Variants in STK38L observed in about 807,000 individuals in gnomAD.
STK38L encodes the protein serine/threonine kinase 38 like, also known as serine/threonine-protein kinase 38-like.
Under a neutral mutation model 59.7 loss-of-function variants are expected in STK38L, and 28 were observed. That is an observed-to-expected ratio of 0.47 (90% CI 0.35 to 0.64). The LOEUF (loss-of-function observed/expected upper bound fraction) is 0.64, where lower values mean the gene tolerates loss of function less well. Among genes scored for constraint, STK38L ranks in the 30% least tolerant of loss-of-function variants. The pLI, the probability that STK38L is intolerant of heterozygous loss-of-function variation, is 0.01. For synonymous variants in STK38L, 162 were observed against 176.8 expected, an observed-to-expected ratio of 0.92 and a Z score of 0.66; for missense variants, 314 against 555.8, an observed-to-expected ratio of 0.56 and a Z score of 4.37.
At chr12:27,287,479 A>G (rs1489225153) in intron 1 of STK38L, among the ~76,000 whole-genome samples, 1 of 152,144 alleles carries the variant, frequency 6.6e-6, no homozygotes, top group African/African-American at 2.4e-5. Flanking sequence ...ATCTTGTTTG[A>G]TATACAGTAT....
At chr12:27,253,807 A>G (rs964909355) in intron 1 of STK38L, among the ~76,000 whole-genome samples, 7 of 152,232 alleles carry the variant, frequency 4.6e-5, no homozygotes, top group Admixed American at 4.6e-4. Flanking sequence ...AGGGGGCCAC[A>G]GGAACCGGAA....
chr12:27,269,334 T>C (rs543946255), intron 1 of STK38L, among the ~76,000 whole-genome samples: 209 of 152,322 alleles, frequency 1.4e-3, no homozygotes, highest in Middle Eastern at 3.4e-3. Flanking sequence ...CAGCTTTCTA[T>C]ATATGGCTAG....
chr12:27,273,140 AT>A (rs1198862449), intron 1 of STK38L, among the ~76,000 whole-genome samples: 1 of 147,892 alleles, frequency 6.8e-6, no homozygotes, highest in Admixed American at 6.7e-5. Context: ...CTTATTTTGT[AT>A]GTTTATCTTT....
chr12:27,278,754 C>G (rs1202752013), intron 1 of STK38L, among the ~76,000 whole-genome samples: 1 of 152,158 alleles, frequency 6.6e-6, no homozygotes, highest in African/African-American at 2.4e-5. Flanking sequence ...CCTTAACTCT[C>G]AGTTTGGATA....
In STK38L at chr12:27,308,470, CT is replaced by C; in HGVS notation, c.309+14del. The C allele has an allele frequency of 1.3e-6, 2 of 1,557,522 alleles. No individual in the cohort carries two copies. Among genetic ancestry groups the C allele is most frequent in the Non-Finnish European group, 8.7e-7 (1 of 1,155,554 alleles). On this transcript the variant is annotated intron_variant, in intron 4 of 13. Transcript: ENST00000389032. This position sits in a 1 kb window ranked among gnomAD's most constrained non-coding sequence, Gnocchi z 4.5. Reference sequence around the variant, plus strand: ...GAGGAGCTTTTGGAGAGGTGTGCTTCTTTTTAAAAGTCACTACTGCTGCAAA... The same window carrying C: ...GAGGAGCTTTTGGAGAGGTGTGCTTCTTTTAAAAGTCACTACTGCTGCAAA...
In STK38L at chr12:27,295,738, A is replaced by G. The variant is rs556482511; in HGVS notation, c.-11-1972A>G. On this transcript the variant is annotated intron_variant, in intron 1 of 13. Transcript: ENST00000389032. ...ATAAGCCACCAGTACCTGACTACAAATGTTAGAGAACATGCACCAAAAAAA... is the reference window on the plus strand; with the variant it reads ...ATAAGCCACCAGTACCTGACTACAAGTGTTAGAGAACATGCACCAAAAAAA... Among the ~76,000 whole-genome samples the G allele has an allele frequency of 5.8e-4, 88 of 152,308 alleles. 1 individual carries two copies. Among genetic ancestry groups the G allele is most frequent in the Non-Finnish European group, 1.0e-3 (71 of 68,018 alleles).
chr12:27,297,822 C>T lies in STK38L; in HGVS notation c.102C>T (p.Asn34=). The T allele has an allele frequency of 6.2e-7, 1 of 1,613,838 alleles. No individual in the cohort carries two copies. The highest frequency in any genetic ancestry group is 8.5e-7 in the Non-Finnish European group (1 of 1,179,954). ...TCACATTGGAGAATTTTTATAGCAA[C>T]CTAATTTTACAGCATGAAGAGAGAG... The part of the protein sequence containing the change: ...AKLTLENFYS[N]LILQHEERET... Residue 34 remains asparagine, a synonymous_variant, in exon 2 of 14, where the codon AAC becomes AAT. Coordinates refer to ENST00000389032, the MANE Select transcript of STK38L (RefSeq NM_015000.4).
chr12:27,318,666 G>A (rs1387052012), intron 11 of STK38L, among the ~76,000 whole-genome samples: 1 of 152,136 alleles, frequency 6.6e-6, no homozygotes, highest in African/African-American at 2.4e-5. Context: ...ATAGTAGACT[G>A]TCTATAATAC....
At chr12:27,281,417 T>TC (rs1943655304) in intron 1 of STK38L, among the ~76,000 whole-genome samples, 1 of 152,202 alleles carries the variant, frequency 6.6e-6, no homozygotes, top group Non-Finnish European at 1.5e-5. Context: ...ACTCTGGTTG[T>TC]AAAAAGTAGG....
chr12:27,322,290 T>C (rs1211234567), intron 13 of STK38L, 38 bp from the exon 14 acceptor site: 7 of 1,613,302 alleles, frequency 4.3e-6, no homozygotes, highest in Admixed American at 1.7e-5. Context: ...GATGATGGCA[T>C]TTCACTAATG....
At chr12:27,281,552 A>G (rs1428858947) in intron 1 of STK38L, among the ~76,000 whole-genome samples, 1 of 152,152 alleles carries the variant, frequency 6.6e-6, no homozygotes, top group African/African-American at 2.4e-5. Context: ...TAAAATGGAG[A>G]AATAGTACCT....
intron 1 of STK38L, among the ~76,000 whole-genome samples, chr12:27,262,919 T>C (rs1257832669): frequency 6.6e-6 from 1 of 151,676 alleles, no homozygotes; most frequent in Non-Finnish European, 1.5e-5. Flanking sequence ...CCATCTCAGC[T>C]TCCCGAGTAG....
chr12:27,316,661 G>A (rs777945436), intron 9 of STK38L, among the ~76,000 whole-genome samples: 2 of 152,150 alleles, frequency 1.3e-5, no homozygotes, highest in African/African-American at 4.8e-5. Flanking sequence ...TTACTGCCTT[G>A]TAGAAATCAT....
chr12:27,304,616 CAT>C (rs1944264196), intron 3 of STK38L, among the ~76,000 whole-genome samples: 1 of 152,020 alleles, frequency 6.6e-6, no homozygotes, highest in East Asian at 1.9e-4. Flanking sequence ...TAAGACTGAG[CAT>C]ATCTTTCCTC....
intron 1 of STK38L, among the ~76,000 whole-genome samples, chr12:27,260,556 C>T (rs1161232815): frequency 6.6e-6 from 1 of 152,204 alleles, no homozygotes. Flanking sequence ...CTCACTCTCT[C>T]TGTGCCGTAC....
Position 27,308,955 on chromosome 12 carries a change from T to TATATATAAATATATATATAAC in STK38L, c.310-154_310-153insTAAATATATATATAACATATA, listed in dbSNP as rs1565550942. On this transcript the variant is annotated intron_variant, in intron 4 of 13. Transcript: ENST00000389032. The surrounding 1 kb of genome is among the most constrained non-coding windows in gnomAD (Gnocchi z 4.5). ...AATATATATAAATATATATATAACA[T>TATATATAAATATATATATAAC]ATATAAAAATATATAGATATAAAAA... 6.9e-5 allele frequency among the ~76,000 whole-genome samples: 8 copies of TATATATAAATATATATATAAC among 116,612 alleles called. No homozygotes were observed. The highest frequency in any genetic ancestry group is 2.2e-4 in the East Asian group (1 of 4,566). The allele number at this position is 116,612 out of a possible 152,430, so 76.5% of individuals were successfully genotyped here.
In STK38L at chr12:27,307,645, G is replaced by A. The variant is rs1161796774; in HGVS notation, c.187-694G>A. ...ATTTTGATTGGTGAGGGTGAAAAAT[G>A]AAGTTTAGAACAATAAAATAAATAC... On this transcript the variant is annotated intron_variant, in intron 3 of 13. Coordinates refer to ENST00000389032, the MANE Select transcript of STK38L (RefSeq NM_015000.4). Among the ~76,000 whole-genome samples the A allele has an allele frequency of 4.6e-5, 7 of 152,182 alleles. No homozygotes were observed. The East Asian group carries it at 1.3e-3, about 29-fold the overall frequency.
chr12:27,281,400 T>G (rs191278662), intron 1 of STK38L, among the ~76,000 whole-genome samples: 7 of 151,918 alleles, frequency 4.6e-5, no homozygotes, highest in Non-Finnish European at 1.0e-4. Flanking sequence ...TTAGCTTTGT[T>G]TAACTGACTC....
At chr12:27,259,940 T>C (rs919749458) in intron 1 of STK38L, among the ~76,000 whole-genome samples, 4 of 152,354 alleles carry the variant, frequency 2.6e-5, no homozygotes, top group Non-Finnish European at 5.9e-5. Context: ...TTCAGAATCT[T>C]CCCATTTTCT....
Sources: gnomAD v4.1 joint callset for allele counts (sites outside exome capture counted in the v4.1 genomes callset) on GRCh38, gnomAD v4.1.1 for gene constraint, Gnocchi (gnomAD v3.1) non-coding constraint, MANE v1.5 for transcripts, NCBI Gene and HGNC (gene_info 2026-07-23, HGNC 2026-07-21) for gene names.